Variants in FGF14 observed in about 807,000 individuals in gnomAD.
FGF14 encodes fibroblast growth factor homologous factor 4.
Under a neutral mutation model 25.5 loss-of-function variants are expected in FGF14, and 5 were observed. The observed-to-expected ratio is 0.20, with a 90% CI of 0.10 to 0.41. FGF14 has a LOEUF of 0.41. Among genes scored for constraint, FGF14 ranks in the 10% least tolerant of loss-of-function variants. The pLI is 1.00. For missense variants in FGF14, 222 were observed against 320.1 expected, an observed-to-expected ratio of 0.69 and a Z score of 2.34; for synonymous variants, 138 against 118.3, an observed-to-expected ratio of 1.17 and a Z score of -1.08.
intron 1 of FGF14, among the ~76,000 whole-genome samples, chr13:102,078,048 T>C (rs934399587): frequency 2.0e-5 from 3 of 152,074 alleles, no homozygotes; most frequent in Admixed American, 2.0e-4. Flanking sequence ...GAAAAACAAA[T>C]ACTGCATGTC....
At position 102,337,056 on chromosome 13, in the gene FGF14, A is replaced by G. The variant is rs1594887243; in HGVS notation, c.208+64415T>C. Among the ~76,000 whole-genome samples the G allele has an allele frequency of 3.3e-5, 5 of 152,326 alleles. No homozygotes were observed. In the South Asian group the frequency reaches 1.0e-3, roughly 32 times the overall value. On this transcript the variant is annotated intron_variant, in intron 1 of 4. Transcript: ENST00000376131. The stretch of plus-strand genomic sequence containing the variant: ...TAACACAACATGCATTCTGCAGCCC[A>G]TCAGTCAGGGAATCATTTCAAATTT...
At chr13:101,955,975 A>C (rs1476871224) in intron 1 of FGF14, among the ~76,000 whole-genome samples, 1 of 152,214 alleles carries the variant, frequency 6.6e-6, no homozygotes, top group East Asian at 1.9e-4. Flanking sequence ...CCACGTTTTC[A>C]CTTTCACTTT....
At chr13:101,882,968 A>G (rs1277362031) in intron 1 of FGF14, among the ~76,000 whole-genome samples, 2 of 152,142 alleles carry the variant, frequency 1.3e-5, no homozygotes, top group Non-Finnish European at 2.9e-5. Flanking sequence ...AGAATCTCCC[A>G]AACAGCAAGG....
At chr13:102,070,616 A>T (rs1166103577) in intron 1 of FGF14, among the ~76,000 whole-genome samples, 1 of 152,230 alleles carries the variant, frequency 6.6e-6, no homozygotes, top group Admixed American at 6.5e-5. Flanking sequence ...AATACCCAAG[A>T]TTTGAAAGCA....
intron 1 of FGF14, among the ~76,000 whole-genome samples, chr13:102,198,404 G>A (rs2049465083): frequency 6.6e-6 from 1 of 152,198 alleles, no homozygotes; most frequent in Non-Finnish European, 1.5e-5. Context: ...TAGCCCTCTA[G>A]AGAGGATGAC....
At chr13:102,133,712 C>T (rs1347268492) in intron 1 of FGF14, among the ~76,000 whole-genome samples, 1 of 152,174 alleles carries the variant, frequency 6.6e-6, no homozygotes, top group Non-Finnish European at 1.5e-5. Flanking sequence ...TAGTTACTAG[C>T]TTCATTTGTG....
At chr13:101,902,840 GA>G (rs1440048416) in intron 1 of FGF14, among the ~76,000 whole-genome samples, 1 of 152,118 alleles carries the variant, frequency 6.6e-6, no homozygotes, top group Non-Finnish European at 1.5e-5. Flanking sequence ...TCTTTCAAAG[GA>G]GGCACTTTTA....
intron 1 of FGF14, among the ~76,000 whole-genome samples, chr13:102,182,233 A>G (rs1427068080): frequency 1.3e-5 from 2 of 152,098 alleles, no homozygotes; most frequent in African/African-American, 4.8e-5. Context: ...GAATATGAAT[A>G]TGATTCCTGG....
chr13:101,931,340 T>C (rs1043969608), intron 1 of FGF14, among the ~76,000 whole-genome samples: 1 of 152,338 alleles, frequency 6.6e-6, no homozygotes. Context: ...CTCATTTCAC[T>C]GTCTCTTGGT....
At chr13:102,301,493 T>A (rs907036706) in intron 1 of FGF14, among the ~76,000 whole-genome samples, 1 of 152,080 alleles carries the variant, frequency 6.6e-6, no homozygotes, top group African/African-American at 2.4e-5. Flanking sequence ...GGTAGGTAGA[T>A]AAAAATGTAA....
chr13:102,174,569 T>A (rs945903530), intron 1 of FGF14, among the ~76,000 whole-genome samples: 1 of 152,054 alleles, frequency 6.6e-6, no homozygotes, highest in Admixed American at 6.6e-5. Context: ...CAGGAATACA[T>A]TTAACCAAGG....
chr13:102,280,357 G>T (rs1372864895), intron 1 of FGF14, among the ~76,000 whole-genome samples: 1 of 152,178 alleles, frequency 6.6e-6, no homozygotes, highest in Non-Finnish European at 1.5e-5. Flanking sequence ...TGTTTTAAGT[G>T]GGGGAGTATG....
At chr13:101,899,000 A>T (rs1373056029) in intron 1 of FGF14, among the ~76,000 whole-genome samples, 1 of 152,214 alleles carries the variant, frequency 6.6e-6, no homozygotes, top group Non-Finnish European at 1.5e-5. Context: ...AATGCTAAGG[A>T]GACAAAAATT....
chr13:102,124,827 A>T (rs1191823216), intron 1 of FGF14, among the ~76,000 whole-genome samples: 4 of 152,114 alleles, frequency 2.6e-5, no homozygotes, highest in Admixed American at 6.6e-5. Flanking sequence ...ATTCTTCTGC[A>T]TTCATTTTAG....
intron 1 of FGF14, among the ~76,000 whole-genome samples, chr13:102,007,061 A>T (rs117972796): frequency 2.6e-5 from 4 of 152,262 alleles, no homozygotes; most frequent in Non-Finnish European, 5.9e-5. Context: ...TACTTCTTAG[A>T]GTGTGGTCAA....
intron 1 of FGF14, among the ~76,000 whole-genome samples, chr13:102,179,759 A>G (rs1255953937): frequency 6.6e-6 from 1 of 152,158 alleles, no homozygotes; most frequent in Non-Finnish European, 1.5e-5. Flanking sequence ...AAGACTTAAT[A>G]ATAAATCTTT....
At position 101,714,744 on chromosome 13, in the gene FGF14, T is replaced by C. The variant is rs2034637123; in HGVS notation, c.*8087A>G. On this transcript the variant is annotated 3_prime_UTR_variant, in exon 5 of 5. Transcript: ENST00000376143. The stretch of plus-strand genomic sequence containing the variant: ...CACATTATTCCTAGGCATAGAAGAA[T>C]ACAAGAGAATGAAGCTAAATTTTGT... The C allele has an allele frequency of 1.8e-6, 1 of 561,976 alleles. No homozygotes were observed. Among genetic ancestry groups the C allele is most frequent in the Non-Finnish European group, 3.2e-6 (1 of 316,158 alleles). The allele number at this position is 561,976 out of a possible 1,614,324, so 34.8% of individuals were successfully genotyped here.
At chr13:102,025,804 T>C (rs928974138) in intron 1 of FGF14, among the ~76,000 whole-genome samples, 4 of 152,092 alleles carry the variant, frequency 2.6e-5, no homozygotes, top group Non-Finnish European at 5.9e-5. Context: ...AGATTTTTCA[T>C]TGTTAGTATA....
intron 1 of FGF14, among the ~76,000 whole-genome samples, chr13:102,086,416 G>A (rs1442248463): frequency 6.6e-6 from 1 of 152,014 alleles, no homozygotes; most frequent in African/African-American, 2.4e-5. Flanking sequence ...TGTAGTCCCA[G>A]CTACTCGGGA....
Sources: allele counts gnomAD v4.1 joint callset (sites outside exome capture counted in the v4.1 genomes callset), GRCh38; gene constraint gnomAD v4.1.1; transcripts MANE v1.5; gene names NCBI Gene and HGNC (gene_info 2026-07-23, HGNC 2026-07-21).